The following FAM13A variants were observed in gnomAD, a reference collection of about 807,000 sequenced individuals.
FAM13A encodes the protein family with sequence similarity 13 member A, also known as protein FAM13A.
Under a neutral mutation model 129.6 loss-of-function variants are expected in FAM13A, and 76 were observed. The observed-to-expected ratio is 0.59, with a 90% confidence interval of 0.49 to 0.71. FAM13A has a LOEUF of 0.71. FAM13A is among the 30% of genes least tolerant of loss of function. The pLI, the probability that FAM13A is intolerant of heterozygous loss-of-function variation, is 0.00. For synonymous variants in FAM13A, 443 were observed against 449.9 expected (o/e 0.98, Z 0.20); for missense variants, 1,108 against 1,249.3 (o/e 0.89, Z 1.70).
chr4:88,968,464 C>T (rs969366017), intron 4 of FAM13A, among the ~76,000 whole-genome samples: 5 of 152,132 alleles, frequency 3.3e-5, no homozygotes, highest in Non-Finnish European at 5.9e-5. Flanking sequence ...TCGCTATGAC[C>T]GAGAATCAGG....
chr4:89,023,439 T>C (rs1160219507), intron 2 of FAM13A, among the ~76,000 whole-genome samples: 1 of 152,164 alleles, frequency 6.6e-6, no homozygotes, highest in Non-Finnish European at 1.5e-5. Flanking sequence ...GTTGTTTTTT[T>C]TTTTTCTTTT....
chr4:88,827,512 T>C (rs1733206403), intron 7 of FAM13A, among the ~76,000 whole-genome samples: 1 of 152,208 alleles, frequency 6.6e-6, no homozygotes, highest in African/African-American at 2.4e-5. Context: ...AAGTGCTCAA[T>C]AATTATTAGT....
At chr4:89,025,245 G>GTTTTTTTT (rs56710705) in intron 2 of FAM13A, among the ~76,000 whole-genome samples, 1,833 of 61,370 alleles carry the variant, frequency 0.03, 431 homozygotes, top group Non-Finnish European at 0.046. Flanking sequence ...TGGAATCATT[G>GTTTTTTTT]TTTTTTTTTT....
chr4:89,017,663 T>C (rs1449057225), intron 3 of FAM13A, among the ~76,000 whole-genome samples: 3 of 152,172 alleles, frequency 2.0e-5, no homozygotes, highest in African/African-American at 7.2e-5. Context: ...CATAAAATAT[T>C]CGTCAACTCC....
chr4:88,986,992 T>G (rs1053144668), intron 4 of FAM13A, among the ~76,000 whole-genome samples: 2 of 152,168 alleles, frequency 1.3e-5, no homozygotes. Flanking sequence ...AATTCTTCTA[T>G]AGAAGAAACC....
At chr4:89,020,222 T>A (rs1388287520) in intron 3 of FAM13A, among the ~76,000 whole-genome samples, 2 of 151,764 alleles carry the variant, frequency 1.3e-5, no homozygotes, top group African/African-American at 2.4e-5. Flanking sequence ...AAAAACTTTT[T>A]AAATTTTAAA....
At chr4:89,017,782 T>C (rs921804084) in intron 3 of FAM13A, among the ~76,000 whole-genome samples, 4 of 152,202 alleles carry the variant, frequency 2.6e-5, no homozygotes, top group Admixed American at 1.3e-4. Flanking sequence ...ATAGGAGGAA[T>C]TGTCACCTTT....
At chr4:88,937,764 A>C in intron 5 of FAM13A, 1 of 378,224 alleles carries the variant, frequency 2.6e-6, no homozygotes. Context: ...TCACAGCCAT[A>C]TGCACTTATT....
At position 88,726,411 on chromosome 4, in the gene FAM13A, A is replaced by G. The variant is rs1266316249; in HGVS notation, c.*2122T>C. ...CTTTTATTGAATCATACAAATTCAA[A>G]TGGGGATTCCTGAATAAATCTTTAG... is the stretch of plus-strand genomic sequence containing the variant. On this transcript the variant is annotated 3_prime_UTR_variant, in exon 24 of 24. Coordinates refer to ENST00000264344, the MANE Select transcript of FAM13A (RefSeq NM_014883.4). The G allele has an allele frequency of 3.9e-5, 6 of 152,636 alleles. No homozygotes were observed. Among genetic ancestry groups the G allele is most frequent in the East Asian group, 1.9e-4 (1 of 5,200 alleles). The allele number at this position is 152,636 out of a possible 1,614,324, so 9.5% of individuals were successfully genotyped here.
intron 3 of FAM13A, among the ~76,000 whole-genome samples, chr4:89,018,806 C>T (rs924239169): frequency 6.6e-6 from 1 of 152,174 alleles, no homozygotes; most frequent in Non-Finnish European, 1.5e-5. Flanking sequence ...GTCTAAAACT[C>T]GTCAAAGAGT....
intron 2 of FAM13A, among the ~76,000 whole-genome samples, chr4:89,028,151 A>T (rs766656359): frequency 2.0e-5 from 3 of 149,816 alleles, no homozygotes; most frequent in Non-Finnish European, 3.0e-5. Flanking sequence ...GGTTGCAGTG[A>T]GCCAAGATTA....
rs147938030 is a variant in FAM13A at position 89,050,872 on chromosome 4, G to A, written c.27+6066C>T. On this transcript the variant is annotated intron_variant, in intron 1 of 23. Coordinates refer to ENST00000264344, the MANE Select transcript of FAM13A (RefSeq NM_014883.4). ...GAACTCAGGAGGCGGAGGTTAGAGTGAGCTGAGATAATACTACTGCTCTCC... is the reference window on the plus strand; with the variant it reads ...GAACTCAGGAGGCGGAGGTTAGAGTAAGCTGAGATAATACTACTGCTCTCC... Among the ~76,000 whole-genome samples, 280 of 152,200 alleles carry A rather than the reference G, an allele frequency of 1.8e-3. 1 individual carries two copies. The highest frequency in any genetic ancestry group is 4.0e-3 in the Admixed American group (61 of 15,294).
At chr4:88,755,254 T>C (rs573318256) in intron 14 of FAM13A, among the ~76,000 whole-genome samples, 1 of 152,296 alleles carries the variant, frequency 6.6e-6, no homozygotes, top group African/African-American at 2.4e-5. Context: ...GAAGGCAAAC[T>C]TAGGCTGATT....
At chr4:88,844,402 C>A (rs1220187727) in intron 7 of FAM13A, among the ~76,000 whole-genome samples, 1 of 152,116 alleles carries the variant, frequency 6.6e-6, no homozygotes, top group African/African-American at 2.4e-5. Flanking sequence ...AATGAACAAC[C>A]TTTTCAGAAT....
chr4:88,726,113 A>T lies in FAM13A; in HGVS notation c.*2420T>A, dbSNP rs555198100. The T allele has an allele frequency of 4.6e-5, 7 of 152,308 alleles. No homozygotes were observed. Among genetic ancestry groups the T allele is most frequent in the Non-Finnish European group, 7.4e-5 (5 of 68,024 alleles). 9.4% of individuals were successfully genotyped at this position (152,308 alleles called of 1,614,324 possible). On this transcript the variant is annotated 3_prime_UTR_variant, in exon 24 of 24. Transcript: ENST00000264344. ...CAGAGCATTTTGTCTTTGTGAAGCC[A>T]ATTAATTAAGACACCGCCTCTAGTG...
chr4:88,987,837 T>TAAAAAAAAAAAAAAAAA (rs1762432263), intron 4 of FAM13A, among the ~76,000 whole-genome samples: 1 of 15,444 alleles, frequency 6.5e-5, no homozygotes. Flanking sequence ...GAGACTCCTC[T>TAAAAAAAAAAAAAAAAA]CAAAAAAAAA....
intron 1 of FAM13A, among the ~76,000 whole-genome samples, chr4:89,046,556 A>T (rs988956703): frequency 4.6e-5 from 7 of 152,232 alleles, no homozygotes; most frequent in African/African-American, 1.7e-4. Context: ...TTTTTTAAAA[A>T]AAGAAAAGAG....
intron 6 of FAM13A, among the ~76,000 whole-genome samples, chr4:88,883,884 G>A (rs755135728): frequency 4.0e-5 from 6 of 151,792 alleles, no homozygotes; most frequent in Admixed American, 6.6e-5. Context: ...CGATAAACAC[G>A]TTTACACACA....
intron 10 of FAM13A, among the ~76,000 whole-genome samples, chr4:88,786,190 C>A (rs1187241996): frequency 6.6e-6 from 1 of 152,180 alleles, no homozygotes; most frequent in Non-Finnish European, 1.5e-5. Flanking sequence ...TCCCCCAGAC[C>A]TGCTGCCAAG....
Sources: gnomAD v4.1 joint callset for allele counts (sites outside exome capture counted in the v4.1 genomes callset) on GRCh38, gnomAD v4.1.1 for gene constraint, MANE v1.5 for transcripts, NCBI Gene and HGNC (gene_info 2026-07-23, HGNC 2026-07-21) for gene names.